The following CYSLTR2 variants were observed in gnomAD, a reference collection of about 807,000 sequenced individuals.
CYSLTR2 encodes the protein G-protein coupled receptor GPCR21.
For missense variants in CYSLTR2, 398 were observed against 411.9 expected, an observed-to-expected ratio of 0.97 and a Z score of 0.29; for synonymous variants, 179 against 160.8, an observed-to-expected ratio of 1.11 and a Z score of -0.86.
At chr13:48,656,160 T>C (rs983277192) in intron 1 of CYSLTR2, among the ~76,000 whole-genome samples, 1 of 152,222 alleles carries the variant, frequency 6.6e-6, no homozygotes, top group Non-Finnish European at 1.5e-5. Context: ...TTGTATTACA[T>C]TGTAATTTTT....
chr13:48,698,010 G>C (rs1469598256), intron 4 of CYSLTR2, among the ~76,000 whole-genome samples: 1 of 152,034 alleles, frequency 6.6e-6, no homozygotes, highest in African/African-American at 2.4e-5. Context: ...AAGAAATATG[G>C]GAGGACTATG....
chr13:48,692,548 G>C (rs1177437040), intron 2 of CYSLTR2, among the ~76,000 whole-genome samples: 1 of 151,168 alleles, frequency 6.6e-6, no homozygotes, highest in Admixed American at 6.6e-5. Context: ...AAATCTATTA[G>C]ATAAAATAAT....
At chr13:48,680,244 C>T (rs1207965217) in intron 1 of CYSLTR2, among the ~76,000 whole-genome samples, 4 of 152,156 alleles carry the variant, frequency 2.6e-5, no homozygotes, top group African/African-American at 9.7e-5. Flanking sequence ...CCCATCTGAC[C>T]ATAGTCAGTG....
chr13:48,679,584 C>T (rs946797268), intron 1 of CYSLTR2, among the ~76,000 whole-genome samples: 1 of 152,162 alleles, frequency 6.6e-6, no homozygotes, highest in Non-Finnish European at 1.5e-5. Context: ...ATGATCAAAT[C>T]AGAGTACCTA....
chr13:48,654,290 T>A (rs61129215), intron 1 of CYSLTR2, among the ~76,000 whole-genome samples: 7,120 of 127,782 alleles, frequency 0.056, 240 homozygotes, highest in African/African-American at 0.16. Context: ...TGTGTGTGTG[T>A]GTGTGTGTGT....
rs375041227 is a variant in CYSLTR2, at chr13:48,687,332, C to CATCTATCT, written c.-265-3865_-265-3858dup. Among the ~76,000 whole-genome samples, 487 of 151,974 alleles carry CATCTATCT rather than the reference C, an allele frequency of 3.2e-3. 4 individuals carry two copies. Among genetic ancestry groups the CATCTATCT allele is most frequent in the African/African-American group, 0.011 (454 of 41,446 alleles). On this transcript the variant is annotated intron_variant, in intron 1 of 4. Transcript: ENST00000682523. ...CCAATTCCCCTAATAAATCTCCTCT[C>CATCTATCT]ATCTATCTATCTATCTATCTATTAT...
intron 1 of CYSLTR2, among the ~76,000 whole-genome samples, chr13:48,684,683 C>A (rs1412198066): frequency 6.6e-6 from 1 of 151,974 alleles, no homozygotes; most frequent in Non-Finnish European, 1.5e-5. Flanking sequence ...GAGTTATGTA[C>A]CCCCAAACAA....
At chr13:48,681,233 T>C (rs1953747529) in intron 1 of CYSLTR2, among the ~76,000 whole-genome samples, 1 of 152,202 alleles carries the variant, frequency 6.6e-6, no homozygotes, top group East Asian at 1.9e-4. Context: ...AACTCAGTGT[T>C]GCCCTTGGCG....
At chr13:48,675,002 G>T (rs1953554567) in intron 1 of CYSLTR2, among the ~76,000 whole-genome samples, 1 of 152,182 alleles carries the variant, frequency 6.6e-6, no homozygotes, top group Non-Finnish European at 1.5e-5. Flanking sequence ...TGGAAGCTTT[G>T]TCCCAGAGGG....
intron 1 of CYSLTR2, among the ~76,000 whole-genome samples, chr13:48,678,342 T>TTC (rs1953657241): frequency 6.6e-6 from 1 of 152,094 alleles, no homozygotes; most frequent in Non-Finnish European, 1.5e-5. Flanking sequence ...GAACACTCAC[T>TTC]TCTCCTTAAA....
At position 48,683,967 on chromosome 13, in the gene CYSLTR2, G is replaced by A. The variant is rs147828022; in HGVS notation, c.-265-7245G>A. On this transcript the variant is annotated intron_variant, in intron 1 of 4. Transcript: ENST00000682523. Reference sequence around the variant, plus strand: ...ACAGTCTCACTCTGTCATCCAGACTGAAGTATAGTGGCATGAGCATACCTC... The same window carrying A: ...ACAGTCTCACTCTGTCATCCAGACTAAAGTATAGTGGCATGAGCATACCTC... Among the ~76,000 whole-genome samples, 303 of 152,278 alleles carry A rather than the reference G, an allele frequency of 2.0e-3. 1 individual carries two copies. The highest frequency in any genetic ancestry group is 3.8e-3 in the Non-Finnish European group (261 of 68,036).
At chr13:48,656,071 A>C (rs1010429953) in intron 1 of CYSLTR2, among the ~76,000 whole-genome samples, 4 of 147,416 alleles carry the variant, frequency 2.7e-5, no homozygotes, top group African/African-American at 8.0e-5. Context: ...ATATTTCAAG[A>C]AAGATAAAAA....
At chr13:48,690,011 G>A (rs1163758238) in intron 1 of CYSLTR2, among the ~76,000 whole-genome samples, 1 of 151,958 alleles carries the variant, frequency 6.6e-6, no homozygotes, top group African/African-American at 2.4e-5. Flanking sequence ...TATTCTCTTT[G>A]TAGCAATTGT....
At chr13:48,680,719 G>A (rs1252892487) in intron 1 of CYSLTR2, among the ~76,000 whole-genome samples, 1 of 151,348 alleles carries the variant, frequency 6.6e-6, no homozygotes, top group Non-Finnish European at 1.5e-5. Context: ...GCTTCCTGTC[G>A]CATACTTCAT....
chr13:48,679,299 T>C (rs916943282), intron 1 of CYSLTR2, among the ~76,000 whole-genome samples: 2 of 152,156 alleles, frequency 1.3e-5, no homozygotes, highest in African/African-American at 2.4e-5. Flanking sequence ...CATAGCACTC[T>C]TGAGGTTTCT....
chr13:48,685,306 A>G (rs1953869041), intron 1 of CYSLTR2, among the ~76,000 whole-genome samples: 1 of 152,170 alleles, frequency 6.6e-6, no homozygotes, highest in African/African-American at 2.4e-5. Flanking sequence ...TATCATGAGA[A>G]CAGCACCGAG....
intron 2 of CYSLTR2, among the ~76,000 whole-genome samples, chr13:48,691,696 G>A (rs1229859625): frequency 1.3e-5 from 2 of 151,956 alleles, no homozygotes; most frequent in Admixed American, 1.3e-4. Flanking sequence ...AGAAAAGTGG[G>A]GTTGCTAATC....
intron 1 of CYSLTR2, among the ~76,000 whole-genome samples, chr13:48,684,435 C>T (rs1222378501): frequency 6.6e-6 from 1 of 151,404 alleles, no homozygotes; most frequent in Non-Finnish European, 1.5e-5. Context: ...TAGCAAGCAT[C>T]AAGAGGAGTT....
chr13:48,661,695 G>A (rs1323450096), intron 1 of CYSLTR2, among the ~76,000 whole-genome samples: 1 of 152,068 alleles, frequency 6.6e-6, no homozygotes, highest in Non-Finnish European at 1.5e-5. Flanking sequence ...TGTCTCCTGT[G>A]AACACTTCTA....
Sources: gnomAD v4.1 joint callset for allele counts (sites outside exome capture counted in the v4.1 genomes callset) on GRCh38, gnomAD v4.1.1 for gene constraint, MANE v1.5 for transcripts, NCBI Gene and HGNC (gene_info 2026-07-23, HGNC 2026-07-21) for gene names.